DLG2: variants seen among roughly 807,000 people sequenced by gnomAD.
The protein encoded by DLG2 is disks large homolog 2.
DLG2 carries 45 observed loss-of-function variants against 132.5 expected under a neutral mutation model. The observed-to-expected ratio is 0.34, with a 90% CI of 0.27 to 0.44. DLG2 has a LOEUF of 0.44. Among genes scored for constraint, DLG2 ranks in the 20% least tolerant of loss-of-function variants. DLG2 has a pLI of 1.00. For synonymous variants in DLG2, 424 were observed against 419.6 expected (o/e 1.01, Z -0.13); for missense variants, 1,045 against 1,196.9 (o/e 0.87, Z 1.87).
chr11:85,060,978 G>A (rs74982490), intron 6 of DLG2, among the ~76,000 whole-genome samples: 2,054 of 151,188 alleles, frequency 0.014, 44 homozygotes, highest in African/African-American at 0.046. Context: ...CTTGCATTTC[G>A]CTGATGGTTA....
At chr11:84,761,836 T>C (rs957510627) in intron 6 of DLG2, among the ~76,000 whole-genome samples, 2 of 152,158 alleles carry the variant, frequency 1.3e-5, no homozygotes, top group Non-Finnish European at 2.9e-5. Flanking sequence ...GTGAGTCAAT[T>C]ATAATAAACT....
intron 18 of DLG2, among the ~76,000 whole-genome samples, chr11:83,754,362 T>A (rs1400524386): frequency 6.6e-6 from 1 of 151,160 alleles, no homozygotes; most frequent in African/African-American, 2.5e-5. Context: ...GTATATCCAA[T>A]AAGAGGATTA....
intron 18 of DLG2, among the ~76,000 whole-genome samples, chr11:83,707,465 T>A (rs2084308249): frequency 6.6e-6 from 1 of 151,606 alleles, no homozygotes; most frequent in Non-Finnish European, 1.5e-5. Flanking sequence ...AGGTCAGGAG[T>A]TCAAGACCAG....
intron 3 of DLG2, among the ~76,000 whole-genome samples, chr11:85,373,109 A>G (rs1413473495): frequency 6.6e-6 from 1 of 152,154 alleles, no homozygotes; most frequent in African/African-American, 2.4e-5. Context: ...TGGTCGACCT[A>G]GGTTTGGGCT....
intron 3 of DLG2, among the ~76,000 whole-genome samples, chr11:85,527,344 CT>C (rs1027514703): frequency 6.6e-6 from 1 of 152,042 alleles, no homozygotes; most frequent in African/African-American, 2.4e-5. Context: ...TCTCTCTCCC[CT>C]TGCGCCCCAC....
At chr11:85,096,792 G>A (rs559125566) in intron 6 of DLG2, among the ~76,000 whole-genome samples, 3 of 152,144 alleles carry the variant, frequency 2.0e-5, no homozygotes, top group Non-Finnish European at 4.4e-5. Flanking sequence ...GAATTTGGGG[G>A]TTAAATACCA....
intron 15 of DLG2, among the ~76,000 whole-genome samples, chr11:83,888,050 T>C (rs1249108675): frequency 6.9e-6 from 1 of 144,706 alleles, no homozygotes; most frequent in African/African-American, 2.6e-5. Context: ...AAGACAGGGA[T>C]GCCCTCTCTC....
intron 4 of DLG2, among the ~76,000 whole-genome samples, chr11:85,179,693 T>A (rs1447231287): frequency 6.6e-6 from 1 of 151,784 alleles, no homozygotes; most frequent in Non-Finnish European, 1.5e-5. Flanking sequence ...GGATGGTCAA[T>A]GAACAATGTC....
chr11:84,531,137 A>C (rs2099338346), intron 7 of DLG2, among the ~76,000 whole-genome samples: 1 of 152,200 alleles, frequency 6.6e-6, no homozygotes, highest in South Asian at 2.1e-4. Context: ...GAAAAAAAAG[A>C]AAGTAAAGGA....
At chr11:83,895,316 C>T (rs1199760565) in intron 15 of DLG2, among the ~76,000 whole-genome samples, 3 of 151,934 alleles carry the variant, frequency 2.0e-5, no homozygotes, top group Admixed American at 6.6e-5. Flanking sequence ...TGTCCCACCA[C>T]GTCTGGCTAA....
chr11:84,506,384 T>C (rs1227802929), intron 7 of DLG2, among the ~76,000 whole-genome samples: 2 of 149,112 alleles, frequency 1.3e-5, no homozygotes, highest in Non-Finnish European at 3.0e-5. Context: ...CCTCAGTTCT[T>C]AAAAGAGTCA....
intron 14 of DLG2, among the ~76,000 whole-genome samples, chr11:83,937,749 A>G (rs1387777615): frequency 6.6e-6 from 1 of 152,182 alleles, no homozygotes; most frequent in Non-Finnish European, 1.5e-5. Context: ...AATAAAAATA[A>G]CACAAATTAA....
intron 18 of DLG2, among the ~76,000 whole-genome samples, chr11:83,711,025 T>C (rs2085292962): frequency 6.6e-6 from 1 of 152,166 alleles, no homozygotes; most frequent in South Asian, 2.1e-4. Flanking sequence ...TAAAGCCTGA[T>C]ACTTGGTTAG....
chr11:84,918,463 T>C (rs761466139), intron 6 of DLG2, among the ~76,000 whole-genome samples: 1 of 152,092 alleles, frequency 6.6e-6, no homozygotes, highest in African/African-American at 2.4e-5. Context: ...TAGACAAATA[T>C]GGTCAATGCA....
intron 7 of DLG2, among the ~76,000 whole-genome samples, chr11:84,330,806 C>T (rs1183166827): frequency 6.6e-6 from 1 of 152,156 alleles, no homozygotes; most frequent in Admixed American, 6.5e-5. Context: ...CTTTCCTGCT[C>T]AGTACATTCC....
chr11:84,130,578 GACAC>G (rs34372974), intron 9 of DLG2, among the ~76,000 whole-genome samples: 18 of 138,588 alleles, frequency 1.3e-4, no homozygotes, highest in South Asian at 2.3e-4. Flanking sequence ...CGCACACATA[GACAC>G]ACACACACAC....
intron 6 of DLG2, among the ~76,000 whole-genome samples, chr11:85,027,030 G>A (rs1351819473): frequency 6.6e-6 from 1 of 151,786 alleles, no homozygotes; most frequent in Admixed American, 6.6e-5. Context: ...ATAGATAAAT[G>A]GTTGAGCAAA....
At chr11:84,726,103 G>A (rs1045430025) in intron 6 of DLG2, among the ~76,000 whole-genome samples, 2 of 151,684 alleles carry the variant, frequency 1.3e-5, no homozygotes, top group African/African-American at 4.8e-5. Context: ...TCAACCCTTT[G>A]TGTTCACTGT....
intron 3 of DLG2, among the ~76,000 whole-genome samples, chr11:85,518,200 C>T (rs764441837): frequency 2.6e-5 from 4 of 152,192 alleles, no homozygotes; most frequent in Non-Finnish European, 4.4e-5. Flanking sequence ...CTTGGTAACA[C>T]GCAAAGTTGG....
Sources: gnomAD v4.1 joint callset for allele counts (sites outside exome capture counted in the v4.1 genomes callset) on GRCh38, gnomAD v4.1.1 for gene constraint, MANE v1.5 for transcripts, NCBI Gene and HGNC (gene_info 2026-07-23, HGNC 2026-07-21) for gene names.